Variants in TRPM3 observed in about 807,000 individuals in gnomAD.
TRPM3 encodes long transient receptor potential channel 3.
Under a neutral mutation model 181.2 loss-of-function variants are expected in TRPM3, and 77 were observed. That is an observed-to-expected ratio of 0.42 (90% confidence interval 0.35 to 0.51). The LOEUF is 0.51. Among genes scored for constraint, TRPM3 ranks in the 20% least tolerant of loss-of-function variants. The pLI, the probability that TRPM3 is intolerant of heterozygous loss-of-function variation, is 0.01. For missense variants in TRPM3, 1,759 were observed against 2,196.7 expected, an observed-to-expected ratio of 0.80 and a Z score of 3.98; for synonymous variants, 745 against 796.4, an observed-to-expected ratio of 0.94 and a Z score of 1.09.
intron 9 of TRPM3, among the ~76,000 whole-genome samples, chr9:70,655,601 A>ATG (rs529076852): frequency 1.1e-3 from 162 of 152,188 alleles, no homozygotes; most frequent in African/African-American, 3.8e-3. Flanking sequence ...GCGTGATTAT[A>ATG]TGTGTGTGTG....
intron 6 of TRPM3, among the ~76,000 whole-genome samples, chr9:70,792,624 G>T (rs2085757896): frequency 6.7e-6 from 1 of 149,844 alleles, no homozygotes; most frequent in Non-Finnish European, 1.5e-5. Context: ...AACAAAGGGA[G>T]ACAGGAGAGA....
At chr9:70,540,527 AC>A (rs1024424732) in intron 25 of TRPM3, among the ~76,000 whole-genome samples, 95 of 152,240 alleles carry the variant, frequency 6.2e-4, no homozygotes, top group African/African-American at 2.1e-3. Flanking sequence ...GAGCTGATGC[AC>A]CAAAAACACG....
intron 1 of TRPM3, among the ~76,000 whole-genome samples, chr9:70,905,886 C>G (rs150336633): frequency 2.0e-5 from 3 of 152,164 alleles, no homozygotes; most frequent in South Asian, 2.1e-4. Context: ...TACAGATGTA[C>G]GTCAAAATGC....
intron 25 of TRPM3, among the ~76,000 whole-genome samples, chr9:70,543,100 T>TA (rs750814323): frequency 6.5e-4 from 99 of 152,298 alleles, no homozygotes; most frequent in Middle Eastern, 6.8e-3. Flanking sequence ...TACACTGATT[T>TA]AAAAAAATAT....
upstream of TRPM3, chr9:71,121,753 G>T: frequency 2.5e-6 from 1 of 399,922 alleles, no homozygotes; most frequent in Non-Finnish European, 3.4e-6. Flanking sequence ...AATGAAGCCA[G>T]AACGGGAAAC....
chr9:70,629,323 G>A (rs2065352185), intron 12 of TRPM3, among the ~76,000 whole-genome samples: 1 of 147,518 alleles, frequency 6.8e-6, no homozygotes, highest in Non-Finnish European at 1.5e-5. Context: ...TGCCTCTTCC[G>A]TTTTTTGTTT....
At chr9:71,202,568 A>G (rs1476026746) in intron 1 of TRPM3, among the ~76,000 whole-genome samples, 1 of 152,150 alleles carries the variant, frequency 6.6e-6, no homozygotes, top group Non-Finnish European at 1.5e-5. Flanking sequence ...GTTTATGTTT[A>G]TTTCTAGGTA....
At chr9:71,266,536 C>T (rs2083405718) in intron 1 of TRPM3, among the ~76,000 whole-genome samples, 1 of 152,130 alleles carries the variant, frequency 6.6e-6, no homozygotes, top group South Asian at 2.1e-4. Flanking sequence ...TTACTCTCCC[C>T]ATAAGTGGCA....
rs913752067 is a variant in TRPM3, at chr9:70,869,023, C to T, written c.178-4512G>A. 6.1e-6 allele frequency: 6 copies of T among 985,148 alleles called. No homozygotes were observed. The East Asian group carries it at 4.6e-4, about 75-fold the overall frequency. 61.0% of individuals were successfully genotyped at this position (985,148 alleles called of 1,614,324 possible). A position where few individuals can be genotyped will look rare whatever the true frequency, so the allele number is the denominator to read the frequency against. On this transcript the variant is annotated intron_variant, in intron 1 of 25. Transcript: ENST00000677713. Reference sequence around the variant, plus strand: ...TCTGGGTACTGGCAAAAGCAGTCCCCGGAGCAGCTCCTGTTGCTTTCATTT... The same window carrying T: ...TCTGGGTACTGGCAAAAGCAGTCCCTGGAGCAGCTCCTGTTGCTTTCATTT...
At chr9:71,310,903 A>C (rs1211443030) in intron 1 of TRPM3, among the ~76,000 whole-genome samples, 1 of 152,106 alleles carries the variant, frequency 6.6e-6, no homozygotes, top group Non-Finnish European at 1.5e-5. Flanking sequence ...GAAAGATGAC[A>C]GTTAACTAAG....
chr9:71,205,717 T>A (rs2079083115), intron 1 of TRPM3, among the ~76,000 whole-genome samples: 1 of 152,222 alleles, frequency 6.6e-6, no homozygotes. Context: ...AAGTAATTAC[T>A]CATTCTTCCC....
chr9:71,344,046 AGATT>A (rs1321444968), intron 1 of TRPM3, among the ~76,000 whole-genome samples: 2 of 151,738 alleles, frequency 1.3e-5, no homozygotes, highest in African/African-American at 4.8e-5. Context: ...AGATTAGATT[AGATT>A]GATAGATAGA....
chr9:71,044,043 C>G (rs1231768141), intron 1 of TRPM3, among the ~76,000 whole-genome samples: 2 of 152,006 alleles, frequency 1.3e-5, no homozygotes, highest in African/African-American at 4.8e-5. Flanking sequence ...TCATGAACTC[C>G]CCTCCCATTT....
intron 6 of TRPM3, among the ~76,000 whole-genome samples, chr9:70,820,060 G>A (rs1321404372): frequency 6.6e-6 from 1 of 151,998 alleles, no homozygotes; most frequent in African/African-American, 2.4e-5. Flanking sequence ...CCAACAAGTC[G>A]AGTACTCAAA....
At position 71,329,222 on chromosome 9, in the gene TRPM3, G is replaced by A. The variant is rs549752754; in HGVS notation, c.183+117431C>T. On this transcript the variant is annotated intron_variant, in intron 1 of 24. Transcript: ENST00000357533. Reference sequence around the variant, plus strand: ...ATGTAGCTATGCTTAATTATCAACCGCCTTGACTGTTCACTCTTATTTCAT... The same window carrying A: ...ATGTAGCTATGCTTAATTATCAACCACCTTGACTGTTCACTCTTATTTCAT... Among the ~76,000 whole-genome samples, 6 of 152,222 alleles carry A rather than the reference G, an allele frequency of 3.9e-5. No homozygotes were observed. The East Asian group carries it at 5.8e-4, about 15-fold the overall frequency.
chr9:71,091,562 G>A (rs950744515), intron 1 of TRPM3, among the ~76,000 whole-genome samples: 1 of 152,168 alleles, frequency 6.6e-6, no homozygotes, highest in Admixed American at 6.6e-5. Flanking sequence ...GGATCTTGCC[G>A]AGAATGAATA....
chr9:70,981,296 G>A (rs1298727364), intron 1 of TRPM3, among the ~76,000 whole-genome samples: 3 of 152,140 alleles, frequency 2.0e-5, no homozygotes, highest in African/African-American at 4.8e-5. Flanking sequence ...TCATTAGTGC[G>A]ATCCCTTTGA....
At chr9:70,830,792 G>A (rs1218850922) in intron 5 of TRPM3, among the ~76,000 whole-genome samples, 1 of 152,002 alleles carries the variant, frequency 6.6e-6, no homozygotes, top group Non-Finnish European at 1.5e-5. Flanking sequence ...TACCTCTTGG[G>A]GATTAGTTGA....
At chr9:70,913,609 A>C (rs11142643) in intron 1 of TRPM3, among the ~76,000 whole-genome samples, 8,507 of 152,316 alleles carry the variant, frequency 0.056, 823 homozygotes, top group African/African-American at 0.19. Flanking sequence ...TTAAATGAAT[A>C]AATATCTTAG....
Sources: allele counts gnomAD v4.1 joint callset (sites outside exome capture counted in the v4.1 genomes callset), GRCh38; gene constraint gnomAD v4.1.1; transcripts MANE v1.5; gene names NCBI Gene and HGNC (gene_info 2026-07-23, HGNC 2026-07-21).